The following NSL1 variants were observed in gnomAD, a reference collection of about 807,000 sequenced individuals.
NSL1 encodes the protein kinetochore-associated protein NSL1 homolog.
Under a neutral mutation model 25.4 loss-of-function variants are expected in NSL1, and 11 were observed. The observed-to-expected ratio is 0.43, with a 90% CI of 0.27 to 0.72. The LOEUF (loss-of-function observed/expected upper bound fraction) is 0.72. NSL1 is among the 30% of genes least tolerant of loss of function. The pLI is 0.19. For synonymous variants in NSL1, 118 were observed against 120.6 expected (o/e 0.98, Z 0.14); for missense variants, 330 against 342.7 (o/e 0.96, Z 0.29).
chr1:212,781,881 G>GGATA (rs1489550230), intron 4 of NSL1: 2 of 269,418 alleles, frequency 7.4e-6, no homozygotes, highest in African/African-American at 4.4e-5. Context: ...CTGTTGTATG[G>GGATA]GATACATATA....
At chr1:212,745,525 T>C (rs1161722962) in intron 4 of NSL1, among the ~76,000 whole-genome samples, 2 of 152,148 alleles carry the variant, frequency 1.3e-5, no homozygotes, top group African/African-American at 4.8e-5. Flanking sequence ...CAATGTCTCA[T>C]CAGAAACCAT....
chr1:212,745,161 T>C (rs199710490), intron 4 of NSL1, among the ~76,000 whole-genome samples: 2 of 14,680 alleles, frequency 1.4e-4, no homozygotes, highest in East Asian at 3.3e-3. Flanking sequence ...ACAAACAAAC[T>C]ATATATATAT....
chr1:212,772,833 T>C (rs532358387), intron 4 of NSL1, among the ~76,000 whole-genome samples: 4 of 152,064 alleles, frequency 2.6e-5, no homozygotes, highest in South Asian at 2.1e-4. Flanking sequence ...CAAAATAACA[T>C]GATATTGGTA....
chr1:212,773,400 A>G (rs1031501328), intron 4 of NSL1, among the ~76,000 whole-genome samples: 1 of 152,232 alleles, frequency 6.6e-6, no homozygotes, highest in African/African-American at 2.4e-5. Context: ...TCAAAAGAAG[A>G]CATGCAAATA....
intron 4 of NSL1, among the ~76,000 whole-genome samples, chr1:212,778,563 T>C (rs1660494678): frequency 6.6e-6 from 1 of 152,104 alleles, no homozygotes; most frequent in African/African-American, 2.4e-5. Context: ...CACGCCTGAC[T>C]GGTTTTCGTA....
At position 212,730,237 on chromosome 1, in the gene NSL1, CAAAAAAAAAA is replaced by C. The variant is rs532313864; in HGVS notation, c.*8161_*8170del. On this transcript the variant is annotated 3_prime_UTR_variant, in exon 6 of 6. Coordinates refer to ENST00000366977, the MANE Select transcript of NSL1 (RefSeq NM_015471.4). ...TACACTCCAGCCTGGGTGACAGTCTCAAAAAAAAAAAAAAAAAAAAAAAAAAAAGAAATGC... is the reference window on the plus strand; with the variant it reads ...TACACTCCAGCCTGGGTGACAGTCTCAAAAAAAAAAAAAAAAAAGAAATGC... 48 of 603,932 alleles carry C rather than the reference CAAAAAAAAAA, an allele frequency of 7.9e-5. No homozygotes were observed. The Admixed American group carries it at 1.6e-3, about 20-fold the overall frequency. 37.4% of individuals were successfully genotyped at this position (603,932 alleles called of 1,614,324 possible). A position where few individuals can be genotyped will look rare whatever the true frequency, so the allele number is the denominator to read the frequency against.
chr1:212,770,333 A>G (rs1660043986), intron 4 of NSL1, among the ~76,000 whole-genome samples: 1 of 151,938 alleles, frequency 6.6e-6, no homozygotes, highest in African/African-American at 2.4e-5. Context: ...AAAAGGAGGC[A>G]TTATAACTGA....
chr1:212,738,684 G>C lies in NSL1; in HGVS notation c.570C>G (p.Ser190=), dbSNP rs898401156. 1 of 1,611,542 alleles carries C rather than the reference G, an allele frequency of 6.2e-7. No individual in the cohort carries two copies. The highest frequency in any genetic ancestry group is 8.5e-7 in the Non-Finnish European group (1 of 1,178,718). Reference sequence around the variant, plus strand: ...CTCCTTGTTCAATTAATGCAGGCAAGGACTTCAAACAAACAAACAGTAATA... The same window carrying C: ...CTCCTTGTTCAATTAATGCAGGCAACGACTTCAAACAAACAAACAGTAATA... ...VAKEISEAMK[S]LPALIEQGEG... The change falls in exon 6 of 6, where the codon TCC becomes TCG. Residue 190 remains serine, a splice_region_variant and synonymous_variant. Transcript: ENST00000366977.
chr1:212,732,546 G>A lies in NSL1; in HGVS notation c.*5862C>T, dbSNP rs537907441. The A allele has an allele frequency of 2.5e-5, 20 of 809,424 alleles. No individual in the cohort carries two copies. In the Admixed American group the frequency reaches 4.3e-4, roughly 18 times the overall value. 50.1% of individuals were successfully genotyped at this position (809,424 alleles called of 1,614,324 possible). On this transcript the variant is annotated 3_prime_UTR_variant, in exon 6 of 6. Coordinates refer to ENST00000366977, the MANE Select transcript of NSL1 (RefSeq NM_015471.4). ...CAGCCTCAGGTGATCTGCCTGTCTC[G>A]GCCTCCCAAGGTGCTGGGATTACAG...
At chr1:212,740,946 C>A (rs961968105) in intron 4 of NSL1, among the ~76,000 whole-genome samples, 6 of 152,054 alleles carry the variant, frequency 3.9e-5, no homozygotes, top group Non-Finnish European at 8.8e-5. Flanking sequence ...ATGAAAATAT[C>A]TGTAGCTTTA....
At position 212,737,591 on chromosome 1, in the gene NSL1, A is replaced by G. The variant is rs1042803080; in HGVS notation, c.*817T>C. ...ATATATAAACATCTTCAAATGTGAA[A>G]TAGTTCAATAACACAATGACACTTT... is the stretch of plus-strand genomic sequence containing the variant. On this transcript the variant is annotated 3_prime_UTR_variant, in exon 6 of 6. Transcript: ENST00000366977. 2.1e-6 allele frequency: 2 copies of G among 963,526 alleles called. No homozygotes were observed. Among genetic ancestry groups the G allele is most frequent in the Non-Finnish European group, 2.5e-6 (2 of 809,930 alleles). The allele number at this position is 963,526 out of a possible 1,614,324, so 59.7% of individuals were successfully genotyped here.
chr1:212,774,661 A>G (rs913200981), intron 4 of NSL1, among the ~76,000 whole-genome samples: 1 of 152,252 alleles, frequency 6.6e-6, no homozygotes, highest in Non-Finnish European at 1.5e-5. Context: ...TACTAGGTTG[A>G]TAAAAGAGCA....
chr1:212,743,246 C>A (rs1318176211), intron 4 of NSL1, among the ~76,000 whole-genome samples: 1 of 151,992 alleles, frequency 6.6e-6, no homozygotes, highest in Non-Finnish European at 1.5e-5. Context: ...CTCATTGCAA[C>A]CTCTACCTCC....
chr1:212,778,283 T>C (rs1022981943), intron 4 of NSL1, among the ~76,000 whole-genome samples: 1 of 152,248 alleles, frequency 6.6e-6, no homozygotes, highest in Non-Finnish European at 1.5e-5. Flanking sequence ...AGAATCTGTC[T>C]GCTTTATCTT....
chr1:212,766,215 C>T (rs1032663685), intron 4 of NSL1: 5 of 648,518 alleles, frequency 7.7e-6, no homozygotes, highest in Non-Finnish European at 1.1e-5. Flanking sequence ...CCATATATGA[C>T]AAATCCACAG....
intron 4 of NSL1, among the ~76,000 whole-genome samples, chr1:212,763,415 G>GA (rs1659662939): frequency 1.3e-5 from 2 of 151,990 alleles, no homozygotes; most frequent in Admixed American, 6.6e-5. Flanking sequence ...CTAACATGAT[G>GA]AATAGAACAG....
Position 212,728,110 on chromosome 1 carries a change from G to A in NSL1, c.*10298C>T, listed in dbSNP as rs1033640874. On this transcript the variant is annotated 3_prime_UTR_variant, in exon 6 of 6. Transcript: ENST00000366977. ...TCCACCTCTTTCTCATGAAATGGGC[G>A]TGGTAATAGCCCTTAATTCATGGAT... 5.2e-6 allele frequency: 5 copies of A among 968,648 alleles called. No homozygotes were observed. The African/African-American group carries it at 7.0e-5, about 14-fold the overall frequency. The allele number at this position is 968,648 out of a possible 1,614,324, so 60.0% of individuals were successfully genotyped here.
chr1:212,730,482 G>C lies in NSL1; in HGVS notation c.*7926C>G. On this transcript the variant is annotated 3_prime_UTR_variant, in exon 6 of 6. Transcript: ENST00000366977. ...CAAAGGCACTGGAGCCATTCTCTGAGTAAGGCTAGTCAAGGTGATGATAGA... is the reference window on the plus strand; with the variant it reads ...CAAAGGCACTGGAGCCATTCTCTGACTAAGGCTAGTCAAGGTGATGATAGA... The C allele has an allele frequency of 1.0e-6, 1 of 985,392 alleles. No individual in the cohort carries two copies. Among genetic ancestry groups the C allele is most frequent in the Non-Finnish European group, 1.2e-6 (1 of 829,932 alleles). 61.0% of individuals were successfully genotyped at this position (985,392 alleles called of 1,614,324 possible).
Position 212,738,106 on chromosome 1 carries a change from A to T in NSL1, c.*302T>A. 9.5e-7 allele frequency: 1 copy of T among 1,047,614 alleles called. No individual in the cohort carries two copies. Among genetic ancestry groups the T allele is most frequent in the Non-Finnish European group, 1.1e-6 (1 of 870,482 alleles). The allele number at this position is 1,047,614 out of a possible 1,614,324, so 64.9% of individuals were successfully genotyped here. A position where few individuals can be genotyped will look rare whatever the true frequency, so the allele number is the denominator to read the frequency against. Reference sequence around the variant, plus strand: ...CTTGTTAAATCCCACAAAAGCTACAAGGGAGCTGAGAGTTGATGGCACTTA... The same window carrying T: ...CTTGTTAAATCCCACAAAAGCTACATGGGAGCTGAGAGTTGATGGCACTTA... On this transcript the variant is annotated 3_prime_UTR_variant, in exon 6 of 6. Coordinates refer to ENST00000366977, the MANE Select transcript of NSL1 (RefSeq NM_015471.4).
Sources: allele counts gnomAD v4.1 joint callset (sites outside exome capture counted in the v4.1 genomes callset), GRCh38; gene constraint gnomAD v4.1.1; transcripts MANE v1.5; gene names NCBI Gene and HGNC (gene_info 2026-07-23, HGNC 2026-07-21).